The following DIP2C variants were observed in gnomAD, a reference collection of about 807,000 sequenced individuals.
The protein encoded by DIP2C is DIP2 acetate--CoA ligase C (putative).
A neutral mutation model predicts 192.4 loss-of-function variants in DIP2C; 33 were observed. The ratio of observed to expected loss-of-function variants is 0.17; its 90% CI spans 0.13 to 0.23. The LOEUF (loss-of-function observed/expected upper bound fraction) is 0.23, where lower values mean the gene tolerates loss of function less well. DIP2C is among the 10% of genes least tolerant of loss of function. The pLI, the probability that DIP2C is intolerant of heterozygous loss-of-function variation, is 1.00. For synonymous variants in DIP2C, 979 were observed against 864.1 expected, an observed-to-expected ratio of 1.13 and a Z score of -2.33; for missense variants, 1,537 against 2,110.1, an observed-to-expected ratio of 0.73 and a Z score of 5.32.
chr10:409,276 G>A (rs575173287), intron 8 of DIP2C, among the ~76,000 whole-genome samples: 2 of 152,040 alleles, frequency 1.3e-5, no homozygotes, highest in Admixed American at 1.3e-4. Flanking sequence ...ACCAAGTGTT[G>A]GCCTGTCTTC....
At chr10:334,438 A>T (rs988950227) in intron 29 of DIP2C, among the ~76,000 whole-genome samples, 1 of 152,080 alleles carries the variant, frequency 6.6e-6, no homozygotes, top group Non-Finnish European at 1.5e-5. Context: ...TTTGATATAC[A>T]AAAGTTTTAA....
chr10:343,705 C>CA (rs1958272803), intron 28 of DIP2C, among the ~76,000 whole-genome samples: 2 of 152,204 alleles, frequency 1.3e-5, no homozygotes, highest in Admixed American at 6.5e-5. Flanking sequence ...TAAAATTACC[C>CA]ACCCACTCAG....
intron 26 of DIP2C, 53 bp from the exon 27 acceptor site, chr10:345,163 T>C (rs1480118169): frequency 2.0e-6 from 3 of 1,523,864 alleles, no homozygotes; most frequent in Non-Finnish European, 9.0e-7. Context: ...GATGAAAGCG[T>C]GCTCACTTCA....
chr10:662,765 C>G (rs1235952736), intron 1 of DIP2C: 2 of 668,620 alleles, frequency 3.0e-6, no homozygotes, highest in Non-Finnish European at 5.6e-6. Flanking sequence ...TATCTTATTT[C>G]TCTTGTGTTG....
At chr10:436,069 T>A (rs923521118) in intron 4 of DIP2C, among the ~76,000 whole-genome samples, 1 of 152,226 alleles carries the variant, frequency 6.6e-6, no homozygotes, top group Non-Finnish European at 1.5e-5. Flanking sequence ...ATATTTTCTA[T>A]TTTTTATATT....
rs61831055 is a variant in DIP2C at position 573,095 on chromosome 10, A to G, written c.86-86565T>C. ...GAGGGAAATGCTACAAAGCACGTAC[A>G]TTTTAGCATGTAAGTGAATTATTTG... On this transcript the variant is annotated intron_variant, in intron 1 of 36. Transcript: ENST00000280886. 5.4e-3 allele frequency among the ~76,000 whole-genome samples: 820 copies of G among 152,266 alleles called. 3 individuals are homozygous for G. Among genetic ancestry groups the G allele is most frequent in the Non-Finnish European group, 8.9e-3 (605 of 68,014 alleles).
chr10:541,454 ACCC>A (rs1240988889), intron 1 of DIP2C, among the ~76,000 whole-genome samples: 2 of 141,048 alleles, frequency 1.4e-5, no homozygotes, highest in African/African-American at 5.3e-5. Context: ...TCTCTCCTGG[ACCC>A]CCCCGAGTGA....
Position 276,146 on chromosome 10 carries a change from A to C in DIP2C, c.*1179T>G, listed in dbSNP as rs555437949. ...GCAATGAATTCTTGCAGCTAAGAAA[A>C]CAGTGCTATTTGCCAACCTAAAGCC... On this transcript the variant is annotated 3_prime_UTR_variant, in exon 37 of 37. Coordinates refer to ENST00000280886, the MANE Select transcript of DIP2C (RefSeq NM_014974.3). The C allele has an allele frequency of 4.6e-5, 7 of 152,822 alleles. No individual in the cohort carries two copies. The highest frequency in any genetic ancestry group is 7.3e-5 in the Non-Finnish European group (5 of 68,048). The allele number at this position is 152,822 out of a possible 1,614,324, so 9.5% of individuals were successfully genotyped here.
At chr10:335,967 C>T (rs1289572541) in intron 29 of DIP2C, among the ~76,000 whole-genome samples, 2 of 152,126 alleles carry the variant, frequency 1.3e-5, no homozygotes, top group Non-Finnish European at 2.9e-5. Context: ...GGCGTGATCT[C>T]AGCTTACTGC....
intron 2 of DIP2C, among the ~76,000 whole-genome samples, chr10:483,497 C>A (rs1554876829): frequency 6.6e-6 from 1 of 152,116 alleles, no homozygotes; most frequent in Non-Finnish European, 1.5e-5. Flanking sequence ...GGCCCTAGCA[C>A]CGCTGTCCGG....
At chr10:297,007 T>A (rs545301778) in intron 32 of DIP2C, among the ~76,000 whole-genome samples, 2 of 151,580 alleles carry the variant, frequency 1.3e-5, no homozygotes, top group African/African-American at 4.9e-5. Context: ...CTGCACGTTG[T>A]GCACATGTAC....
chr10:504,196 A>G (rs942172517), intron 1 of DIP2C, among the ~76,000 whole-genome samples: 3 of 152,240 alleles, frequency 2.0e-5, no homozygotes, highest in Non-Finnish European at 2.9e-5. Flanking sequence ...GGAGACCCAC[A>G]GCGTATCAAT....
At chr10:559,858 G>C (rs776281070) in intron 1 of DIP2C, among the ~76,000 whole-genome samples, 2 of 152,194 alleles carry the variant, frequency 1.3e-5, no homozygotes, top group Admixed American at 6.5e-5. Flanking sequence ...CAGCCACACC[G>C]GGTGAGACAT....
At chr10:604,000 C>T (rs1369431609) in intron 1 of DIP2C, among the ~76,000 whole-genome samples, 2 of 147,758 alleles carry the variant, frequency 1.4e-5, no homozygotes, top group Non-Finnish European at 3.0e-5. Flanking sequence ...GCTCCCTCAT[C>T]AGCCCCACAA....
chr10:379,991 G>A (rs1012438557), intron 17 of DIP2C, among the ~76,000 whole-genome samples: 4 of 151,932 alleles, frequency 2.6e-5, no homozygotes, highest in Non-Finnish European at 2.9e-5. Flanking sequence ...TGGTTAACAC[G>A]CAGAAGAGGC....
In DIP2C at chr10:327,271, G is replaced by A. The variant is rs541998907; in HGVS notation, c.3754-95C>T. On this transcript the variant is annotated intron_variant, in intron 30 of 36. Transcript: ENST00000280886. ...CCCACAGATCCCCACGTAAACATTG[G>A]AAAACTCAACACAGCTATGCATTTC... 67 of 1,423,334 alleles carry A rather than the reference G, an allele frequency of 4.7e-5. No homozygotes were observed. The African/African-American group carries it at 8.7e-4, about 19-fold the overall frequency. 88.2% of individuals were successfully genotyped at this position (1,423,334 alleles called of 1,614,324 possible). A position where few individuals can be genotyped will look rare whatever the true frequency, so the allele number is the denominator to read the frequency against.
chr10:573,388 C>T (rs751555566), intron 1 of DIP2C, among the ~76,000 whole-genome samples: 11 of 152,220 alleles, frequency 7.2e-5, no homozygotes, highest in Non-Finnish European at 1.2e-4. Flanking sequence ...AGAGCGCAGC[C>T]GGGCAGTTCA....
rs573166023 is a variant in DIP2C at position 319,720 on chromosome 10, A to G, written c.3924+7286T>C. On this transcript the variant is annotated intron_variant, in intron 31 of 36. Transcript: ENST00000280886. ...TCCACTTTTATCATAAATTTAGTAA[A>G]TTGAAATTCTTTTAAAGTCATTTTT... is the stretch of plus-strand genomic sequence containing the variant. 3.9e-5 allele frequency among the ~76,000 whole-genome samples: 6 copies of G among 152,358 alleles called. No homozygotes were observed. The South Asian group carries it at 1.2e-3, about 32-fold the overall frequency.
chr10:468,357 G>C (rs1970386914), intron 3 of DIP2C, among the ~76,000 whole-genome samples: 1 of 152,152 alleles, frequency 6.6e-6, no homozygotes, highest in African/African-American at 2.4e-5. Context: ...GACACATAAA[G>C]GGGAGTTGCT....
Sources: allele counts gnomAD v4.1 joint callset (sites outside exome capture counted in the v4.1 genomes callset), GRCh38; gene constraint gnomAD v4.1.1; transcripts MANE v1.5; gene names NCBI Gene and HGNC (gene_info 2026-07-23, HGNC 2026-07-21).